Variants in DLGAP2 observed in about 807,000 individuals in gnomAD.
The protein encoded by DLGAP2 is disks large-associated protein 2.
DLGAP2 carries 26 observed loss-of-function variants against 100.3 expected under a neutral mutation model. The ratio of observed to expected loss-of-function variants is 0.26; its 90% confidence interval spans 0.19 to 0.36. The LOEUF is 0.36. DLGAP2 is among the 10% of genes least tolerant of loss of function. The pLI is 1.00. For synonymous variants in DLGAP2, 886 were observed against 630.1 expected (o/e 1.41, Z -6.08); for missense variants, 1,858 against 1,453.2 (o/e 1.28, Z -4.53).
intron 2 of DLGAP2, among the ~76,000 whole-genome samples, chr8:1,228,236 A>T (rs572642346): frequency 6.6e-6 from 1 of 152,330 alleles, no homozygotes; most frequent in Non-Finnish European, 1.5e-5. Flanking sequence ...ATAAAATAAA[A>T]ATAAAAAAAT....
chr8:1,073,546 T>C (rs189966041), intron 2 of DLGAP2, among the ~76,000 whole-genome samples: 85 of 152,326 alleles, frequency 5.6e-4, no homozygotes, highest in African/African-American at 2.0e-3. Context: ...ATGCGTTCTC[T>C]TACTTTTCCA....
chr8:821,919 G>T (rs1473875967), intron 1 of DLGAP2, among the ~76,000 whole-genome samples: 1 of 152,206 alleles, frequency 6.6e-6, no homozygotes, highest in Non-Finnish European at 1.5e-5. Context: ...ACAGTTGGTG[G>T]TGATTTTTAT....
At chr8:1,511,728 A>G (rs1226426194) in intron 4 of DLGAP2, among the ~76,000 whole-genome samples, 3 of 148,960 alleles carry the variant, frequency 2.0e-5, no homozygotes, top group East Asian at 2.1e-4. Context: ...GTCTAGTGTA[A>G]GACAATCAAT....
chr8:1,067,604 CGTGTGTGTGTGTGTGT>C (rs3220190), intron 2 of DLGAP2, among the ~76,000 whole-genome samples: 17 of 140,402 alleles, frequency 1.2e-4, no homozygotes, highest in African/African-American at 1.9e-4. Context: ...GGTTGAGTGA[CGTGTGTGTGTGTGTGT>C]GTGTGTGTGT....
chr8:1,427,327 G>A (rs571870830), intron 3 of DLGAP2, among the ~76,000 whole-genome samples: 7 of 152,290 alleles, frequency 4.6e-5, no homozygotes, highest in African/African-American at 1.4e-4. Flanking sequence ...TGATAAATAT[G>A]TATTACCAAG....
intron 2 of DLGAP2, among the ~76,000 whole-genome samples, chr8:922,018 G>A (rs983235671): frequency 4.6e-5 from 7 of 152,238 alleles, no homozygotes; most frequent in African/African-American, 9.6e-5. Flanking sequence ...ACAGGTGTGT[G>A]GCATGCTGGC....
intron 2 of DLGAP2, among the ~76,000 whole-genome samples, chr8:948,844 G>T (rs181082889): frequency 6.6e-6 from 1 of 152,200 alleles, no homozygotes; most frequent in African/African-American, 2.4e-5. Context: ...GCAGAGGCGC[G>T]TCCTGGCCTG....
At chr8:1,504,105 T>C (rs944500672) in intron 4 of DLGAP2, among the ~76,000 whole-genome samples, 13 of 152,142 alleles carry the variant, frequency 8.5e-5, no homozygotes, top group South Asian at 2.1e-4. Context: ...TCAGGATCAC[T>C]TGGGGAAAGT....
rs1684150228 is a variant in DLGAP2, at chr8:1,706,818, A to G, written c.*5412A>G. The G allele has an allele frequency of 6.6e-6, 1 of 152,206 alleles. No homozygotes were observed. Among genetic ancestry groups the G allele is most frequent in the South Asian group, 2.1e-4 (1 of 4,826 alleles). The allele number at this position is 152,206 out of a possible 1,614,324, so 9.4% of individuals were successfully genotyped here. ...CTGACTCAAACCACGCAAGGGTTTG[A>G]GAAGCCCACCCCTCTAATTCCAGGC... On this transcript the variant is annotated 3_prime_UTR_variant, in exon 15 of 15. Transcript: ENST00000637795.
intron 3 of DLGAP2, among the ~76,000 whole-genome samples, chr8:1,419,618 C>T (rs1299323598): frequency 6.6e-6 from 1 of 152,168 alleles, no homozygotes; most frequent in Non-Finnish European, 1.5e-5. Flanking sequence ...TATCCAGCAT[C>T]GCATCACTAA....
intron 3 of DLGAP2, among the ~76,000 whole-genome samples, chr8:1,420,327 C>T (rs898502585): frequency 1.3e-5 from 2 of 152,152 alleles, no homozygotes; most frequent in East Asian, 1.9e-4. Flanking sequence ...TTTAGGAGCT[C>T]TGAGCAAGAA....
At chr8:1,657,371 T>C (rs1336474383) in intron 8 of DLGAP2, among the ~76,000 whole-genome samples, 3 of 152,246 alleles carry the variant, frequency 2.0e-5, no homozygotes, top group Admixed American at 2.0e-4. Flanking sequence ...AAGGATTAGT[T>C]GTGATAAACG....
At position 1,592,096 on chromosome 8, in the gene DLGAP2, C is replaced by T. The variant is rs117497231; in HGVS notation, c.1442+26202C>T. Among the ~76,000 whole-genome samples the T allele has an allele frequency of 3.6e-3, 546 of 152,290 alleles. 3 individuals are homozygous for T. The highest frequency in any genetic ancestry group is 6.1e-3 in the Non-Finnish European group (415 of 68,020). ...CACCATGGCCCTTGTTGGGCCCAGA[C>T]ACACAAACAGCTGCGATGGGTGCAG... is the stretch of plus-strand genomic sequence containing the variant. On this transcript the variant is annotated intron_variant, in intron 6 of 14. Transcript: ENST00000637795.
intron 3 of DLGAP2, among the ~76,000 whole-genome samples, chr8:1,287,717 GT>G (rs1799972094): frequency 1.1e-4 from 1 of 9,072 alleles, no homozygotes; most frequent in African/African-American, 1.1e-3. Flanking sequence ...GTGTGTGTGT[GT>G]GTATGTGTGT....
chr8:1,434,000 G>A (rs1268657519), intron 3 of DLGAP2, among the ~76,000 whole-genome samples: 1 of 152,060 alleles, frequency 6.6e-6, no homozygotes, highest in Non-Finnish European at 1.5e-5. Context: ...GAAGGGACTT[G>A]GGCATCTCAC....
chr8:1,695,497 GCCCGGCCCT>G, intron 13 of DLGAP2, among the ~76,000 whole-genome samples: 3 of 137,990 alleles, frequency 2.2e-5, no homozygotes, highest in Admixed American at 7.3e-5. Flanking sequence ...GCACAGCCAT[GCCCGGCCCT>G]ACAGAAAGGG....
At chr8:1,696,634 T>G (rs1344959915) in intron 13 of DLGAP2, among the ~76,000 whole-genome samples, 1 of 152,204 alleles carries the variant, frequency 6.6e-6, no homozygotes, top group African/African-American at 2.4e-5. Context: ...CTCCTAAGTG[T>G]GGGCGCCGGT....
At chr8:1,205,263 G>T (rs1183794812) in intron 2 of DLGAP2, among the ~76,000 whole-genome samples, 1 of 152,238 alleles carries the variant, frequency 6.6e-6, no homozygotes. Context: ...TTTTATAGCT[G>T]ATGTCGAGGA....
In DLGAP2 at chr8:737,781, C is replaced by T. The variant is rs896235387; in HGVS notation, c.-27C>T. 14 of 378,476 alleles carry T rather than the reference C, an allele frequency of 3.7e-5. No individual in the cohort carries two copies. The highest frequency in any genetic ancestry group is 6.1e-5 in the Non-Finnish European group (13 of 212,966). The allele number at this position is 378,476 out of a possible 1,614,324, so 23.4% of individuals were successfully genotyped here. ...GGGGCCGCTTCGCCATGTCGCCCCG[C>T]ACCTGCTGAGCCCGGAGCGTCCGAG... is the stretch of plus-strand genomic sequence containing the variant. On this transcript the variant is annotated 5_prime_UTR_variant, in exon 1 of 15. Coordinates refer to ENST00000637795, the MANE Select transcript of DLGAP2 (RefSeq NM_001346810.2).
Sources: gnomAD v4.1 joint callset for allele counts (sites outside exome capture counted in the v4.1 genomes callset) on GRCh38, gnomAD v4.1.1 for gene constraint, MANE v1.5 for transcripts, NCBI Gene and HGNC (gene_info 2026-07-23, HGNC 2026-07-21) for gene names.